ADAMTS17: variants seen among roughly 807,000 people sequenced by gnomAD.
ADAMTS17 encodes the protein ADAM metallopeptidase with thrombospondin type 1 motif 17.
In ADAMTS17, 113 loss-of-function variants were observed where a neutral mutation model predicts 141.5. The ratio of observed to expected loss-of-function variants is 0.80; its 90% CI spans 0.69 to 0.93. The LOEUF (loss-of-function observed/expected upper bound fraction) is 0.93, where lower values mean the gene tolerates loss of function less well. Ranked by LOEUF, ADAMTS17 falls within the 40% of genes least tolerant of loss-of-function variation. ADAMTS17 has a pLI of 0.00. For synonymous variants in ADAMTS17, 768 were observed against 630.6 expected, an observed-to-expected ratio of 1.22 and a Z score of -3.27; for missense variants, 1,659 against 1,517.9, an observed-to-expected ratio of 1.09 and a Z score of -1.54.
intron 7 of ADAMTS17, among the ~76,000 whole-genome samples, chr15:100,250,739 T>C (rs1400672334): frequency 6.6e-6 from 1 of 152,120 alleles, no homozygotes; most frequent in Non-Finnish European, 1.5e-5. Context: ...AGAGCTGTAG[T>C]CTAGTTCACT....
rs1205858502 is a variant in ADAMTS17 at position 100,256,100 on chromosome 15, T to G, written c.1032-1921A>C. On this transcript the variant is annotated intron_variant, in intron 6 of 21. Transcript: ENST00000268070. ...GCTTTATCTCCAGGGAACCTGGCTC[T>G]GTTCCATTCATTATCAGGGGCACTC... Among the ~76,000 whole-genome samples, 6 of 152,372 alleles carry G rather than the reference T, an allele frequency of 3.9e-5. No homozygotes were observed. The East Asian group carries it at 1.2e-3, about 29-fold the overall frequency.
At chr15:100,137,150 T>A (rs1249532056) in intron 10 of ADAMTS17, among the ~76,000 whole-genome samples, 1 of 152,056 alleles carries the variant, frequency 6.6e-6, no homozygotes, top group Non-Finnish European at 1.5e-5. Context: ...GAAGAACCCA[T>A]AGAAAATGGG....
At chr15:100,084,736 C>T (rs536188250) in intron 15 of ADAMTS17, among the ~76,000 whole-genome samples, 1 of 152,200 alleles carries the variant, frequency 6.6e-6, no homozygotes, top group Non-Finnish European at 1.5e-5. Flanking sequence ...CAAACAGGGT[C>T]TGCAGTGGAA....
At chr15:100,126,678 T>A (rs1339612623) in intron 12 of ADAMTS17, among the ~76,000 whole-genome samples, 1 of 152,160 alleles carries the variant, frequency 6.6e-6, no homozygotes, top group Non-Finnish European at 1.5e-5. Context: ...AAAAATGATA[T>A]TAGGGATGTG....
In ADAMTS17 at chr15:100,133,425, G is replaced by A. The variant is rs146403107; in HGVS notation, c.1474-110C>T. 2.9e-4 allele frequency: 293 copies of A among 1,000,660 alleles called. 1 individual carries two copies. In the East Asian group the frequency reaches 6.2e-3, roughly 21 times the overall value. The allele number at this position is 1,000,660 out of a possible 1,614,324, so 62.0% of individuals were successfully genotyped here. On this transcript the variant is annotated intron_variant, in intron 10 of 21. Transcript: ENST00000268070. ...CTGTTTCAAATTTGGGATTCGAAAC[G>A]TATGGGGAAGCCAGAGGGTCATAAG... is the stretch of plus-strand genomic sequence containing the variant.
chr15:100,002,435 A>T (rs1455862130), intron 18 of ADAMTS17, among the ~76,000 whole-genome samples: 1 of 151,972 alleles, frequency 6.6e-6, no homozygotes, highest in Non-Finnish European at 1.5e-5. Context: ...TGACCACGGC[A>T]GGTGCTCTAG....
At chr15:100,221,499 C>CCT (rs2141788829) in intron 7 of ADAMTS17, among the ~76,000 whole-genome samples, 1 of 152,242 alleles carries the variant, frequency 6.6e-6, no homozygotes, top group African/African-American at 2.4e-5. Flanking sequence ...TGCTATAATA[C>CCT]CTATTGTTCT....
intron 15 of ADAMTS17, among the ~76,000 whole-genome samples, chr15:100,074,386 AATC>A (rs1325143246): frequency 7.4e-6 from 1 of 135,094 alleles, no homozygotes; most frequent in Non-Finnish European, 1.7e-5. Context: ...TGCATAATAT[AATC>A]ATATTAAAGA....
chr15:100,019,580 G>A (rs1251097385), intron 18 of ADAMTS17, among the ~76,000 whole-genome samples: 2 of 152,198 alleles, frequency 1.3e-5, no homozygotes, highest in Admixed American at 6.5e-5. Context: ...CCCGGTGTAT[G>A]ACCACACCTG....
intron 10 of ADAMTS17, among the ~76,000 whole-genome samples, chr15:100,146,704 G>A (rs892050958): frequency 9.1e-5 from 3 of 33,138 alleles, no homozygotes; most frequent in Non-Finnish European, 2.9e-4. Flanking sequence ...AAAGCAAATG[G>A]GAGAAGTATC....
intron 3 of ADAMTS17, among the ~76,000 whole-genome samples, chr15:100,307,261 G>T (rs967615271): frequency 6.6e-6 from 1 of 152,130 alleles, no homozygotes; most frequent in Admixed American, 6.5e-5. Context: ...ATGAGTCCAG[G>T]GCTGGGCACG....
At position 100,328,295 on chromosome 15, in the gene ADAMTS17, T is replaced by C. The variant is rs115709115; in HGVS notation, c.616+2594A>G. On this transcript the variant is annotated intron_variant, in intron 3 of 21. Coordinates refer to ENST00000268070, the MANE Select transcript of ADAMTS17 (RefSeq NM_139057.4). ...TGTTTGAAAGCTAATCCAAACTAGATAGGGCCTAACTGACTGCTCATTAGC... is the reference window on the plus strand; with the variant it reads ...TGTTTGAAAGCTAATCCAAACTAGACAGGGCCTAACTGACTGCTCATTAGC... Among the ~76,000 whole-genome samples the C allele has an allele frequency of 2.3e-4, 35 of 152,334 alleles. No homozygotes were observed. In the South Asian group the frequency reaches 6.8e-3, roughly 30 times the overall value.
chr15:100,336,296 C>T (rs544528507), intron 2 of ADAMTS17, among the ~76,000 whole-genome samples: 1 of 152,236 alleles, frequency 6.6e-6, no homozygotes, highest in Admixed American at 6.5e-5. Context: ...CAAGAGTATG[C>T]AGGGCTGGAG....
At chr15:100,089,598 A>G (rs1344191620) in intron 15 of ADAMTS17, among the ~76,000 whole-genome samples, 1 of 151,902 alleles carries the variant, frequency 6.6e-6, no homozygotes, top group Non-Finnish European at 1.5e-5. Context: ...TCCAACAGTG[A>G]TTGACTGGAT....
rs536609057 is a variant in ADAMTS17 at position 99,992,326 on chromosome 15, C to G, written c.2949+722G>C. Among the ~76,000 whole-genome samples, 43 of 152,192 alleles carry G rather than the reference C, an allele frequency of 2.8e-4. No homozygotes were observed. The South Asian group carries it at 7.5e-3, about 26-fold the overall frequency. ...GCAGGAGTTTTTCAGTTGCTAAGAC[C>G]ATACAGAAGGACAAACACGGTCTAT... On this transcript the variant is annotated intron_variant, in intron 20 of 21. Coordinates refer to ENST00000268070, the MANE Select transcript of ADAMTS17 (RefSeq NM_139057.4).
At chr15:99,998,316 C>T (rs1013160711) in intron 18 of ADAMTS17, among the ~76,000 whole-genome samples, 3 of 152,084 alleles carry the variant, frequency 2.0e-5, no homozygotes, top group Admixed American at 6.5e-5. Context: ...TCTAAAACTT[C>T]GGCTCAGGCT....
intron 18 of ADAMTS17, among the ~76,000 whole-genome samples, chr15:100,024,986 C>A (rs910218434): frequency 6.6e-6 from 1 of 152,156 alleles, no homozygotes; most frequent in Non-Finnish European, 1.5e-5. Context: ...ATTAGATAAG[C>A]GGGGAGCTCC....
intron 8 of ADAMTS17, among the ~76,000 whole-genome samples, chr15:100,165,349 C>T (rs2039906434): frequency 6.6e-6 from 1 of 152,186 alleles, no homozygotes; most frequent in Admixed American, 6.5e-5. Context: ...CTATGTAATG[C>T]ACCATCAGCA....
chr15:100,171,513 C>T (rs868264515), intron 8 of ADAMTS17, among the ~76,000 whole-genome samples: 10 of 152,322 alleles, frequency 6.6e-5, no homozygotes, highest in Middle Eastern at 3.4e-3. Context: ...CACAACATCC[C>T]TGTACCCCAG....
Sources: gnomAD v4.1 joint callset for allele counts (sites outside exome capture counted in the v4.1 genomes callset) on GRCh38, gnomAD v4.1.1 for gene constraint, MANE v1.5 for transcripts, NCBI Gene and HGNC (gene_info 2026-07-23, HGNC 2026-07-21) for gene names.